Variants in CDH7 observed in about 807,000 individuals in gnomAD.
CDH7 encodes cadherin 7.
CDH7 carries 25 observed loss-of-function variants against 71.8 expected under a neutral mutation model. The ratio of observed to expected loss-of-function variants is 0.35; its 90% confidence interval spans 0.25 to 0.49. The LOEUF (loss-of-function observed/expected upper bound fraction) is 0.49, where lower values mean the gene tolerates loss of function less well. Among genes scored for constraint, CDH7 ranks in the 20% least tolerant of loss-of-function variants. CDH7 has a pLI of 0.99. For synonymous variants in CDH7, 381 were observed against 363.8 expected (o/e 1.05, Z -0.54); for missense variants, 862 against 974.6 (o/e 0.88, Z 1.54).
chr18:65,781,583 A>G (rs1196619576), intron 2 of CDH7, among the ~76,000 whole-genome samples: 1 of 152,146 alleles, frequency 6.6e-6, no homozygotes, highest in Non-Finnish European at 1.5e-5. Context: ...AGAAGGAAAT[A>G]CAAAACATAA....
intron 2 of CDH7, among the ~76,000 whole-genome samples, chr18:65,802,604 A>T (rs972191440): frequency 3.9e-5 from 6 of 152,180 alleles, no homozygotes; most frequent in African/African-American, 1.4e-4. Context: ...TGGAGTTTAC[A>T]ACTAAGAGAG....
At chr18:65,870,220 A>G (rs994040737) in intron 11 of CDH7, among the ~76,000 whole-genome samples, 1 of 152,164 alleles carries the variant, frequency 6.6e-6, no homozygotes, top group Non-Finnish European at 1.5e-5. Flanking sequence ...ACCAATTATG[A>G]ATCTTTAGTT....
chr18:65,800,445 T>C (rs1389848802), intron 2 of CDH7, among the ~76,000 whole-genome samples: 1 of 152,096 alleles, frequency 6.6e-6, no homozygotes, highest in Non-Finnish European at 1.5e-5. Context: ...ACCAATATTA[T>C]TGATAAAAAC....
intron 2 of CDH7, among the ~76,000 whole-genome samples, chr18:65,783,055 A>T (rs1910373322): frequency 6.6e-6 from 1 of 152,230 alleles, no homozygotes; most frequent in African/African-American, 2.4e-5. Flanking sequence ...GAATGTGTGA[A>T]TCAGAACACT....
rs1421920412 is a variant in CDH7, at chr18:65,888,687, T to C, written c.*7793T>C. On this transcript the variant is annotated 3_prime_UTR_variant, in exon 12 of 12. Coordinates refer to ENST00000397968, the MANE Select transcript of CDH7 (RefSeq NM_004361.5). ...GTCTGTGAATCACTCAAGTTAGGCA[T>C]TGTTAGGTTTTTTAAGGAAAAACTT... The C allele has an allele frequency of 6.6e-6, 1 of 152,032 alleles. No individual in the cohort carries two copies. The highest frequency in any genetic ancestry group is 1.5e-5 in the Non-Finnish European group (1 of 68,008). The allele number at this position is 152,032 out of a possible 1,614,324, so 9.4% of individuals were successfully genotyped here. A position where few individuals can be genotyped will look rare whatever the true frequency, so the allele number is the denominator to read the frequency against.
rs367583841 is a variant in CDH7 at position 65,796,983 on chromosome 18, A to G, written c.211-12721A>G. ...TCTAAACAGAAATTAAACAGCTGAA[A>G]AGCTAAACAGAATTTTGCAGAAAGT... On this transcript the variant is annotated intron_variant, in intron 2 of 11. Coordinates refer to ENST00000397968, the MANE Select transcript of CDH7 (RefSeq NM_004361.5). 1.4e-4 allele frequency among the ~76,000 whole-genome samples: 21 copies of G among 152,286 alleles called. 1 individual carries two copies. The highest frequency in any genetic ancestry group is 4.8e-4 in the African/African-American group (20 of 41,562).
chr18:65,859,928 G>T, intron 10 of CDH7, 103 bp downstream of exon 10: 1 of 691,206 alleles, frequency 1.4e-6, no homozygotes. Flanking sequence ...TTTAAAGCAA[G>T]GACAATAATT....
rs1910240084 is a variant in CDH7, at chr18:65,781,859, T to TC, written c.210+18807_210+18808insC. ...CTTTCTTTCTTTCTTTCTTTCTTTC[T>TC]TTCTTTCTCTCTCTCTCTCTGTCTC... On this transcript the variant is annotated intron_variant, in intron 2 of 11. Coordinates refer to ENST00000397968, the MANE Select transcript of CDH7 (RefSeq NM_004361.5). 1.1e-4 allele frequency among the ~76,000 whole-genome samples: 9 copies of TC among 80,438 alleles called. 2 individuals carry two copies. Among genetic ancestry groups the TC allele is most frequent in the African/African-American group, 8.2e-4 (8 of 9,790 alleles). 52.8% of individuals were successfully genotyped at this position (80,438 alleles called of 152,430 possible).
intron 2 of CDH7, among the ~76,000 whole-genome samples, chr18:65,764,655 G>T (rs1916299702): frequency 1.3e-5 from 2 of 151,970 alleles, no homozygotes; most frequent in South Asian, 4.1e-4. Flanking sequence ...TAATATTCAA[G>T]TAATGTATAA....
At position 65,788,883 on chromosome 18, in the gene CDH7, G is replaced by A. The variant is rs936782131; in HGVS notation, c.211-20821G>A. Among the ~76,000 whole-genome samples, 20 of 152,236 alleles carry A rather than the reference G, an allele frequency of 1.3e-4. No individual in the cohort carries two copies. The East Asian group carries it at 3.7e-3, about 28-fold the overall frequency. On this transcript the variant is annotated intron_variant, in intron 2 of 11. Coordinates refer to ENST00000397968, the MANE Select transcript of CDH7 (RefSeq NM_004361.5). ...ACCTATAGCTAACACAGTTTGCCTA[G>A]TTGAAAATCAAACTTATGGGTTAAG...
chr18:65,767,799 A>G (rs1207791784), intron 2 of CDH7, among the ~76,000 whole-genome samples: 1 of 152,248 alleles, frequency 6.6e-6, no homozygotes, highest in Non-Finnish European at 1.5e-5. Context: ...TGGCAGTTAT[A>G]TTCAGCTCTT....
chr18:65,880,332 T>C, intron 11 of CDH7, 69 bp from the exon 12 acceptor site: 1 of 1,478,424 alleles, frequency 6.8e-7, no homozygotes, highest in South Asian at 1.4e-5. Context: ...GTCCTAGGCC[T>C]AATTTTACCA....
At chr18:65,852,024 A>G (rs1177063226) in intron 7 of CDH7, among the ~76,000 whole-genome samples, 1 of 152,224 alleles carries the variant, frequency 6.6e-6, no homozygotes, top group Non-Finnish European at 1.5e-5. Flanking sequence ...ATAATTGGAA[A>G]GGAGGAAAAA....
chr18:65,833,551 A>G (rs1468286679), intron 6 of CDH7, among the ~76,000 whole-genome samples: 6 of 152,140 alleles, frequency 3.9e-5, no homozygotes, highest in African/African-American at 1.4e-4. Flanking sequence ...AAGGGCCGAG[A>G]TAATTTGGTG....
At chr18:65,808,126 T>C (rs2143901668) in intron 2 of CDH7, among the ~76,000 whole-genome samples, 1 of 152,336 alleles carries the variant, frequency 6.6e-6, no homozygotes, top group East Asian at 1.9e-4. Flanking sequence ...GATGTGAATA[T>C]TGAATGAATT....
chr18:65,752,373 G>C (rs2143764705), intron 1 of CDH7, among the ~76,000 whole-genome samples: 1 of 152,284 alleles, frequency 6.6e-6, no homozygotes. Context: ...TTTTCTAAAG[G>C]AAAGTTTGCA....
rs145813752 is a variant in CDH7, at chr18:65,820,910, A to G, written c.626-1171A>G. Among the ~76,000 whole-genome samples the G allele has an allele frequency of 6.3e-3, 956 of 152,286 alleles. 11 individuals carry two copies. The highest frequency in any genetic ancestry group is 0.021 in the African/African-American group (881 of 41,558). Reference sequence around the variant, plus strand: ...ACAATAAATGTGCACAGATGATAACACACATACTGATATTAGAAGGAAAAA... The same window carrying G: ...ACAATAAATGTGCACAGATGATAACGCACATACTGATATTAGAAGGAAAAA... On this transcript the variant is annotated intron_variant, in intron 4 of 11. Coordinates refer to ENST00000397968, the MANE Select transcript of CDH7 (RefSeq NM_004361.5).
intron 2 of CDH7, among the ~76,000 whole-genome samples, chr18:65,801,698 G>A (rs1911130702): frequency 6.6e-6 from 1 of 152,102 alleles, no homozygotes; most frequent in Admixed American, 6.5e-5. Context: ...CCATATCTTT[G>A]TCTAGGCATT....
At chr18:65,785,547 C>A (rs1910483009) in intron 2 of CDH7, among the ~76,000 whole-genome samples, 1 of 150,642 alleles carries the variant, frequency 6.6e-6, no homozygotes, top group African/African-American at 2.4e-5. Context: ...ACAGCTCTGC[C>A]CAATGCAGTA....
Sources: allele counts gnomAD v4.1 joint callset (sites outside exome capture counted in the v4.1 genomes callset), GRCh38; gene constraint gnomAD v4.1.1; transcripts MANE v1.5; gene names NCBI Gene and HGNC (gene_info 2026-07-23, HGNC 2026-07-21).